Variants in DCDC1 observed in about 807,000 individuals in gnomAD.
DCDC1 encodes doublecortin domain-containing protein 1.
In DCDC1, 200 loss-of-function variants were observed where a neutral mutation model predicts 178.3. The ratio of observed to expected loss-of-function variants is 1.12; its 90% CI spans 1.00 to 1.26. The LOEUF is 1.26. DCDC1 is among the 50% of genes most tolerant of loss of function. The pLI is 0.00. For missense variants in DCDC1, 1,983 were observed against 1,749.2 expected, an observed-to-expected ratio of 1.13 and a Z score of -2.38; for synonymous variants, 690 against 604.8, an observed-to-expected ratio of 1.14 and a Z score of -2.07.
chr11:31,185,996 T>C (rs1565401864), intron 9 of DCDC1, among the ~76,000 whole-genome samples: 1 of 152,154 alleles, frequency 6.6e-6, no homozygotes, highest in Non-Finnish European at 1.5e-5. Flanking sequence ...TAGATAATGC[T>C]CTCAAATACC....
chr11:31,332,787 C>T (rs1950064891), intron 2 of DCDC1, among the ~76,000 whole-genome samples: 1 of 152,142 alleles, frequency 6.6e-6, no homozygotes, highest in African/African-American at 2.4e-5. Context: ...CTGAGGAGTG[C>T]TTTTAACTTC....
At chr11:31,097,988 T>G (rs1167688660) in intron 15 of DCDC1, among the ~76,000 whole-genome samples, 1 of 152,136 alleles carries the variant, frequency 6.6e-6, no homozygotes, top group Non-Finnish European at 1.5e-5. Flanking sequence ...ATACCATAAT[T>G]CCAAAATTAT....
intron 30 of DCDC1, 116 bp from the exon 31 acceptor site, chr11:30,905,280 C>T (rs150007837): frequency 9.3e-7 from 1 of 1,071,362 alleles, no homozygotes; most frequent in East Asian, 2.6e-5. Context: ...TTTTGCAATG[C>T]TCTCTTCATG....
At chr11:31,116,595 GT>G (rs1307882292) in intron 11 of DCDC1, among the ~76,000 whole-genome samples, 1 of 151,800 alleles carries the variant, frequency 6.6e-6, no homozygotes, top group Admixed American at 6.6e-5. Context: ...AAATCAAACA[GT>G]AAACTTGTCT....
chr11:31,007,046 C>T (rs1174347994), intron 20 of DCDC1, among the ~76,000 whole-genome samples: 6 of 152,194 alleles, frequency 3.9e-5, no homozygotes, highest in Non-Finnish European at 7.3e-5. Flanking sequence ...CAAATGTAGG[C>T]CTCAGATTCC....
intron 9 of DCDC1, among the ~76,000 whole-genome samples, chr11:31,207,189 A>G (rs1040804587): frequency 6.6e-6 from 1 of 152,202 alleles, no homozygotes; most frequent in Non-Finnish European, 1.5e-5. Context: ...TAAAGATTAA[A>G]TGAGACAACA....
At chr11:31,228,512 G>T (rs569782433) in intron 9 of DCDC1, among the ~76,000 whole-genome samples, 2 of 151,910 alleles carry the variant, frequency 1.3e-5, no homozygotes, top group South Asian at 4.1e-4. Context: ...ACTAGAAAAA[G>T]AAATATCAAT....
chr11:30,951,679 T>C (rs544013868), intron 21 of DCDC1, among the ~76,000 whole-genome samples: 3 of 152,260 alleles, frequency 2.0e-5, no homozygotes, highest in East Asian at 3.9e-4. Context: ...ATACTTGTTA[T>C]CTTTAAACTT....
At chr11:31,068,233 C>A (rs1417468300) in intron 18 of DCDC1, among the ~76,000 whole-genome samples, 1 of 151,936 alleles carries the variant, frequency 6.6e-6, no homozygotes, top group Non-Finnish European at 1.5e-5. Context: ...CTTTTTATGT[C>A]CTGACATATA....
chr11:31,260,411 T>C (rs1309374217), intron 8 of DCDC1, among the ~76,000 whole-genome samples: 1 of 152,196 alleles, frequency 6.6e-6, no homozygotes, highest in Non-Finnish European at 1.5e-5. Flanking sequence ...TGATGAAATA[T>C]CCTGTACTTA....
At chr11:30,911,079 G>C (rs906912353) in intron 28 of DCDC1, among the ~76,000 whole-genome samples, 3 of 152,062 alleles carry the variant, frequency 2.0e-5, no homozygotes, top group African/African-American at 7.2e-5. Context: ...CATTGGGTTT[G>C]ATTTCAGTAA....
chr11:31,091,589 G>A (rs770288160), intron 16 of DCDC1, 78 bp from the exon 17 acceptor site: 5 of 686,784 alleles, frequency 7.3e-6, no homozygotes, highest in Non-Finnish European at 1.3e-5. Flanking sequence ...GTCACAAATA[G>A]TGAGGTCATT....
intron 20 of DCDC1, among the ~76,000 whole-genome samples, chr11:30,984,173 G>A (rs991960498): frequency 1.3e-5 from 2 of 152,088 alleles, no homozygotes; most frequent in African/African-American, 2.4e-5. Flanking sequence ...TTTATTTCAC[G>A]AAGACAGAAA....
At chr11:30,943,964 T>A (rs1030388649) in intron 21 of DCDC1, 14 of 238,060 alleles carry the variant, frequency 5.9e-5, no homozygotes, top group Admixed American at 5.7e-4. Context: ...TAGTCATCAT[T>A]CTATTTTGAA....
chr11:30,951,709 A>G (rs1948437071), intron 21 of DCDC1, among the ~76,000 whole-genome samples: 1 of 152,164 alleles, frequency 6.6e-6, no homozygotes, highest in Non-Finnish European at 1.5e-5. Context: ...TAGGTATGCA[A>G]GCTAAAATGT....
At position 31,127,644 on chromosome 11, in the gene DCDC1, A is replaced by G; in HGVS notation, c.1315-5T>C. ...TTCATCAATCAGCCTGCTCACCTGA[A>G]GGGGTTAAATTACAAGAGTTGTTAG... On this transcript the variant is annotated splice_region_variant and splice_polypyrimidine_tract_variant and intron_variant, in intron 10 of 38. Transcript: ENST00000684477. 1 of 702,020 alleles carries G rather than the reference A, an allele frequency of 1.4e-6. No homozygotes were observed. The highest frequency in any genetic ancestry group is 1.5e-5 in the South Asian group (1 of 67,470). The allele number at this position is 702,020 out of a possible 1,614,324, so 43.5% of individuals were successfully genotyped here. A position where few individuals can be genotyped will look rare whatever the true frequency, so the allele number is the denominator to read the frequency against.
chr11:30,986,438 T>C (rs1950652028), intron 20 of DCDC1, among the ~76,000 whole-genome samples: 1 of 151,790 alleles, frequency 6.6e-6, no homozygotes. Context: ...GTTCAAGTGA[T>C]TCTCCTGCCT....
chr11:30,884,313 G>C (rs1402862783), intron 36 of DCDC1, among the ~76,000 whole-genome samples: 5 of 152,054 alleles, frequency 3.3e-5, no homozygotes, highest in East Asian at 1.9e-4. Flanking sequence ...TTACAGGCAT[G>C]GGCCAATATA....
At chr11:30,996,446 T>C (rs910057838) in intron 20 of DCDC1, among the ~76,000 whole-genome samples, 24 of 142,710 alleles carry the variant, frequency 1.7e-4, no homozygotes, top group African/African-American at 6.0e-4. Context: ...TCAAAAATCA[T>C]ATTGAGACTT....
Sources: gnomAD v4.1 joint callset for allele counts (sites outside exome capture counted in the v4.1 genomes callset) on GRCh38, gnomAD v4.1.1 for gene constraint, MANE v1.5 for transcripts, NCBI Gene and HGNC (gene_info 2026-07-23, HGNC 2026-07-21) for gene names.